Variants in SLC20A2 observed in about 807,000 individuals in gnomAD.
The protein encoded by SLC20A2 is sodium-dependent phosphate transporter 2.
In SLC20A2, 30 loss-of-function variants were observed where a neutral mutation model predicts 61.0. The ratio of observed to expected loss-of-function variants is 0.49; its 90% CI spans 0.37 to 0.67. SLC20A2 has a LOEUF of 0.67. SLC20A2 is among the 30% of genes least tolerant of loss of function. The probability of loss-of-function intolerance (pLI) is 0.00; values close to 1 mark genes in which losing one functional copy is unlikely to be tolerated. For synonymous variants in SLC20A2, 351 were observed against 353.3 expected, an observed-to-expected ratio of 0.99 and a Z score of 0.07; for missense variants, 626 against 866.4, an observed-to-expected ratio of 0.72 and a Z score of 3.48.
chr8:42,447,449 G>A (rs569497836), intron 5 of SLC20A2, among the ~76,000 whole-genome samples: 59 of 152,184 alleles, frequency 3.9e-4, no homozygotes, highest in African/African-American at 1.3e-3. Context: ...AGGCCAAGGC[G>A]GGCAGATCAC....
At chr8:42,519,238 G>T (rs1052795942) in intron 1 of SLC20A2, among the ~76,000 whole-genome samples, 1 of 152,142 alleles carries the variant, frequency 6.6e-6, no homozygotes, top group Non-Finnish European at 1.5e-5. Context: ...GAGGTCAAGG[G>T]ATTGAGACCA....
Position 42,533,654 on chromosome 8 carries a change from C to CTT in SLC20A2, c.-265+8165_-265+8166dup, listed in dbSNP as rs1162369065. 5.0e-3 allele frequency among the ~76,000 whole-genome samples: 279 copies of CTT among 55,252 alleles called. 4 individuals are homozygous for CTT. Among genetic ancestry groups the CTT allele is most frequent in the African/African-American group, 8.5e-3 (105 of 12,386 alleles). 36.2% of individuals were successfully genotyped at this position (55,252 alleles called of 152,430 possible). On this transcript the variant is annotated intron_variant, in intron 1 of 10. Coordinates refer to the SLC20A2 transcript ENST00000342228. ...TTAATGGCCTTAATGATCAACTGTT[C>CTT]TTTTTTTTTTTTTTTTTTTTTTGAG...
chr8:42,465,871 G>A lies in SLC20A2; in HGVS notation c.336C>T (p.Ile112=). Reference sequence around the variant, plus strand: ...AACCCACAATGCAGTGCGTTCCTGAGATTGGAAGCCTCAGGAAGGAAGCAA... The same window carrying A: ...AACCCACAATGCAGTGCGTTCCTGAAATTGGAAGCCTCAGGAAGGAAGCAA... ...QLIASFLRLP[I]SGTHCIVGST... Residue 112 remains isoleucine (I), a synonymous_variant, in exon 3 of 11, where the codon ATC becomes ATT. Coordinates refer to ENST00000520262, the MANE Select transcript of SLC20A2 (RefSeq NM_001257180.2). 1 of 1,613,810 alleles carries A rather than the reference G, an allele frequency of 6.2e-7. No homozygotes were observed. The highest frequency in any genetic ancestry group is 8.5e-7 in the Non-Finnish European group (1 of 1,179,916).
chr8:42,528,477 A>T (rs1812121561), intron 1 of SLC20A2, among the ~76,000 whole-genome samples: 1 of 151,580 alleles, frequency 6.6e-6, no homozygotes, highest in African/African-American at 2.4e-5. Context: ...AAAAAAGAAA[A>T]GAAAAAAGAA....
intron 1 of SLC20A2, among the ~76,000 whole-genome samples, chr8:42,486,079 A>G (rs1216506200): frequency 1.3e-5 from 2 of 152,134 alleles, no homozygotes; most frequent in East Asian, 3.9e-4. Context: ...AGAAAAACGA[A>G]TATGTAATTA....
rs769681252 is a variant in SLC20A2, at chr8:42,472,627, C to A, written c.-237G>T. 10 of 460,056 alleles carry A rather than the reference C, an allele frequency of 2.2e-5. No homozygotes were observed. Among genetic ancestry groups the A allele is most frequent in the African/African-American group, 5.9e-5 (3 of 51,168 alleles). The allele number at this position is 460,056 out of a possible 1,614,324, so 28.5% of individuals were successfully genotyped here. A position where few individuals can be genotyped will look rare whatever the true frequency, so the allele number is the denominator to read the frequency against. On this transcript the variant is annotated 5_prime_UTR_variant, in exon 2 of 11. Coordinates refer to ENST00000520262, the MANE Select transcript of SLC20A2 (RefSeq NM_001257180.2). The surrounding 1 kb of genome is among the most constrained non-coding windows in gnomAD (Gnocchi z 4.1). Reference sequence around the variant, plus strand: ...AAAACACATTCCATATTTTTCCTCCCGATCTGGGAAAGCTGTGATGTCTCC... The same window carrying A: ...AAAACACATTCCATATTTTTCCTCCAGATCTGGGAAAGCTGTGATGTCTCC...
intron 4 of SLC20A2, among the ~76,000 whole-genome samples, chr8:42,460,946 G>A (rs1455183075): frequency 2.0e-5 from 3 of 152,198 alleles, no homozygotes; most frequent in Non-Finnish European, 4.4e-5. Flanking sequence ...ATCGATGACA[G>A]CAGCAGAAGT....
intron 5 of SLC20A2, among the ~76,000 whole-genome samples, chr8:42,450,052 TG>T (rs1329956660): frequency 1.3e-5 from 2 of 152,216 alleles, no homozygotes; most frequent in Non-Finnish European, 2.9e-5. Context: ...AATTGAGCTT[TG>T]TCTTTTGCTC....
At chr8:42,510,017 G>A (rs1170426481) in intron 1 of SLC20A2, among the ~76,000 whole-genome samples, 1 of 152,206 alleles carries the variant, frequency 6.6e-6, no homozygotes, top group Non-Finnish European at 1.5e-5. Context: ...TAAAGCCACA[G>A]TAATTCGAAA....
intron 1 of SLC20A2, among the ~76,000 whole-genome samples, chr8:42,526,589 C>T (rs1184636031): frequency 6.6e-6 from 1 of 151,048 alleles, no homozygotes; most frequent in African/African-American, 2.4e-5. Context: ...AGGAGAATGG[C>T]GTGAACCCAG....
At chr8:42,431,270 C>T (rs148994288) in intron 8 of SLC20A2, among the ~76,000 whole-genome samples, 228 of 152,220 alleles carry the variant, frequency 1.5e-3, no homozygotes, top group African/African-American at 5.4e-3. Flanking sequence ...AGCAAAACAG[C>T]CTTAGTGCTG....
At chr8:42,487,017 C>T (rs780985367) in intron 1 of SLC20A2, among the ~76,000 whole-genome samples, 132 of 151,938 alleles carry the variant, frequency 8.7e-4, no homozygotes, top group Middle Eastern at 6.8e-3. Context: ...CAGACATGTG[C>T]CACAACGCCC....
chr8:42,470,643 T>G (rs1254538409), intron 2 of SLC20A2, among the ~76,000 whole-genome samples: 1 of 152,160 alleles, frequency 6.6e-6, no homozygotes, highest in African/African-American at 2.4e-5. Flanking sequence ...TGGGCCATTG[T>G]GAACTTGGTC....
At chr8:42,459,114 T>G (rs1344531869) in intron 5 of SLC20A2, among the ~76,000 whole-genome samples, 1 of 149,744 alleles carries the variant, frequency 6.7e-6, no homozygotes, top group East Asian at 2.0e-4. Flanking sequence ...TGTGCTCCTG[T>G]AATCCCAGCT....
intron 1 of SLC20A2, among the ~76,000 whole-genome samples, chr8:42,509,819 T>C (rs1810931816): frequency 6.6e-6 from 1 of 152,186 alleles, no homozygotes; most frequent in East Asian, 1.9e-4. Context: ...AGATACAACA[T>C]GGCCACTAGC....
intron 1 of SLC20A2, among the ~76,000 whole-genome samples, chr8:42,530,546 C>T (rs1042703595): frequency 1.3e-5 from 2 of 152,180 alleles, no homozygotes; most frequent in Non-Finnish European, 2.9e-5. Context: ...GAACAGGCTT[C>T]AGAAACCTGT....
intron 1 of SLC20A2, among the ~76,000 whole-genome samples, chr8:42,536,869 T>C (rs1053860781): frequency 6.6e-6 from 1 of 151,692 alleles, no homozygotes; most frequent in African/African-American, 2.4e-5. Context: ...AGGTCAGGAG[T>C]TCGAGACCAG....
At chr8:42,455,233 A>AT (rs1370917032) in intron 5 of SLC20A2, among the ~76,000 whole-genome samples, 5 of 107,986 alleles carry the variant, frequency 4.6e-5, no homozygotes, top group Non-Finnish European at 7.4e-5. Context: ...TAAAAAAAAA[A>AT]AAAAAAAAAT....
At position 42,469,056 on chromosome 8, in the gene SLC20A2, G is replaced by A. The variant is rs370052238; in HGVS notation, c.289+3046C>T. On this transcript the variant is annotated intron_variant, in intron 2 of 10. Coordinates refer to ENST00000520262, the MANE Select transcript of SLC20A2 (RefSeq NM_001257180.2). ...GAAGCACAGACGCCCAGGGGCTTGG[G>A]GAGAAGTGACTAACAGAGAAAACAA... Among the ~76,000 whole-genome samples, 5 of 152,212 alleles carry A rather than the reference G, an allele frequency of 3.3e-5. No individual in the cohort carries two copies. The East Asian group carries it at 9.7e-4, about 29-fold the overall frequency.
Sources: allele counts gnomAD v4.1 joint callset (sites outside exome capture counted in the v4.1 genomes callset), GRCh38; gene constraint gnomAD v4.1.1; non-coding constraint Gnocchi (gnomAD v3.1); transcripts MANE v1.5; gene names NCBI Gene and HGNC (gene_info 2026-07-23, HGNC 2026-07-21).